PRELID2: variants seen among roughly 807,000 people sequenced by gnomAD.
PRELID2 encodes the protein PRELI domain containing 2.
PRELID2 carries 25 observed loss-of-function variants against 28.4 expected under a neutral mutation model. The ratio of observed to expected loss-of-function variants is 0.88; its 90% CI spans 0.64 to 1.23. The LOEUF (loss-of-function observed/expected upper bound fraction) is 1.23, where lower values mean the gene tolerates loss of function less well. Among genes scored for constraint, PRELID2 ranks in the 50% most tolerant of loss-of-function variants. PRELID2 has a pLI of 0.00. For missense variants in PRELID2, 201 were observed against 214.4 expected (o/e 0.94, Z 0.39); for synonymous variants, 76 against 71.6 (o/e 1.06, Z -0.31).
Position 145,504,492 on chromosome 5 carries a change from A to T in PRELID2, n.71-31177T>A, listed in dbSNP as rs17103333. Among the ~76,000 whole-genome samples the T allele has an allele frequency of 6.8e-3, 1,029 of 152,282 alleles. 27 individuals carry two copies. The highest frequency in any genetic ancestry group is 0.05 in the Admixed American group (767 of 15,294). On this transcript the variant is annotated intron_variant and non_coding_transcript_variant, in intron 1 of 2. Coordinates refer to the PRELID2 transcript ENST00000510259. ...AAACATTTTATCTTTCATGTTCCAG[A>T]TCATGTTGTTTTCCTTGAAATTTCT...
intron 1 of PRELID2, among the ~76,000 whole-genome samples, chr5:145,825,844 G>A (rs1755157850): frequency 6.6e-6 from 1 of 152,186 alleles, no homozygotes; most frequent in African/African-American, 2.4e-5. Context: ...ATTGAACTGA[G>A]GCTCCCCCTA....
intron 1 of PRELID2, among the ~76,000 whole-genome samples, chr5:145,674,182 T>C (rs912378268): frequency 2.6e-5 from 4 of 152,186 alleles, no homozygotes; most frequent in Non-Finnish European, 5.9e-5. Context: ...TTATTATACT[T>C]TAAGTTCTAG....
In PRELID2 at chr5:145,641,188, A is replaced by G. The variant is rs192561715; in HGVS notation, n.70+123743T>C. On this transcript the variant is annotated intron_variant and non_coding_transcript_variant, in intron 1 of 2. Coordinates refer to the PRELID2 transcript ENST00000510259. ...AAAACCTAACAGTTCCTCTCAACAA[A>G]AAGACACCATCAATAAGTTAAAACA... Among the ~76,000 whole-genome samples, 60 of 152,312 alleles carry G rather than the reference A, an allele frequency of 3.9e-4. 1 individual carries two copies. Among genetic ancestry groups the G allele is most frequent in the Admixed American group, 3.9e-3 (60 of 15,300 alleles).
intron 1 of PRELID2, among the ~76,000 whole-genome samples, chr5:145,695,012 C>T (rs1464324779): frequency 1.3e-5 from 2 of 152,180 alleles, no homozygotes; most frequent in African/African-American, 4.8e-5. Flanking sequence ...GTCAGGTCCT[C>T]GGCTGGTTAC....
At chr5:145,249,928 TC>T in the PRELID2 span, among the ~76,000 whole-genome samples, 1 of 150,242 alleles carries the variant, frequency 6.7e-6, no homozygotes. Context: ...CCTCTCTCTC[TC>T]TCTCTCTGTC....
chr5:145,358,335 G>A, the PRELID2 span, among the ~76,000 whole-genome samples: 1 of 151,926 alleles, frequency 6.6e-6, no homozygotes, highest in Non-Finnish European at 1.5e-5. Flanking sequence ...GTGCCCCTCA[G>A]CATATTCAAG....
the PRELID2 span, among the ~76,000 whole-genome samples, chr5:145,303,422 C>G: frequency 6.6e-6 from 1 of 152,140 alleles, no homozygotes; most frequent in Non-Finnish European, 1.5e-5. Context: ...GCTTATATTG[C>G]TTTTATATTA....
At chr5:145,339,130 C>T in the PRELID2 span, among the ~76,000 whole-genome samples, 9 of 152,286 alleles carry the variant, frequency 5.9e-5, no homozygotes, top group African/African-American at 1.4e-4. Flanking sequence ...GACTAGCAGA[C>T]TGGAGGCAAG....
In PRELID2 at chr5:145,511,844, AAAGT is replaced by A. The variant is rs374931733; in HGVS notation, n.71-38533_71-38530del. ...CTATCTGCAAGAGAAACTGGAAAAT[AAAGT>A]ATTTTGCCTCTCTAGCCTCCATAGT... On this transcript the variant is annotated intron_variant and non_coding_transcript_variant, in intron 1 of 2. Coordinates refer to the PRELID2 transcript ENST00000510259. Among the ~76,000 whole-genome samples, 372 of 152,326 alleles carry A rather than the reference AAAGT, an allele frequency of 2.4e-3. 2 individuals are homozygous for A. The highest frequency in any genetic ancestry group is 8.7e-3 in the African/African-American group (360 of 41,568).
chr5:145,285,398 C>T, the PRELID2 span, among the ~76,000 whole-genome samples: 14 of 152,226 alleles, frequency 9.2e-5, no homozygotes, highest in South Asian at 1.7e-3. Context: ...AGCTCCCCCG[C>T]TCCGCCCAGT....
At chr5:145,600,297 C>T (rs1753370777) in intron 1 of PRELID2, among the ~76,000 whole-genome samples, 1 of 151,396 alleles carries the variant, frequency 6.6e-6, no homozygotes, top group South Asian at 2.1e-4. Flanking sequence ...CAGCTAGATC[C>T]CGAGTAAAAT....
At chr5:145,332,514 G>C in the PRELID2 span, among the ~76,000 whole-genome samples, 1 of 151,468 alleles carries the variant, frequency 6.6e-6, no homozygotes, top group South Asian at 2.1e-4. Flanking sequence ...ATTTCATTAA[G>C]TTGATCTTCA....
At chr5:145,603,151 A>G (rs534268184) in intron 1 of PRELID2, among the ~76,000 whole-genome samples, 1 of 142,978 alleles carries the variant, frequency 7.0e-6, no homozygotes, top group African/African-American at 3.1e-5. Flanking sequence ...TCCTGAAAGA[A>G]AAGAACAGAT....
At chr5:145,554,450 G>T (rs1752863515) in intron 1 of PRELID2, among the ~76,000 whole-genome samples, 1 of 152,182 alleles carries the variant, frequency 6.6e-6, no homozygotes. Flanking sequence ...AACCCAGAGA[G>T]AAGTTTCAGA....
intron 1 of PRELID2, among the ~76,000 whole-genome samples, chr5:145,670,405 C>T (rs1293155130): frequency 1.3e-5 from 2 of 152,088 alleles, no homozygotes; most frequent in Non-Finnish European, 2.9e-5. Context: ...CCCCACTTGG[C>T]CCCACCTTTA....
At chr5:145,638,108 G>A (rs960743907) in intron 1 of PRELID2, among the ~76,000 whole-genome samples, 26 of 152,146 alleles carry the variant, frequency 1.7e-4, no homozygotes, top group Admixed American at 5.2e-4. Flanking sequence ...ACCGCTCCCA[G>A]CCAACCATTC....
chr5:145,483,013 G>A lies in PRELID2; in HGVS notation n.71-9698C>T, dbSNP rs191332606. Among the ~76,000 whole-genome samples the A allele has an allele frequency of 2.4e-4, 37 of 152,204 alleles. No individual in the cohort carries two copies. The Middle Eastern group carries it at 0.014, about 56-fold the overall frequency. On this transcript the variant is annotated intron_variant and non_coding_transcript_variant, in intron 1 of 2. Coordinates refer to the PRELID2 transcript ENST00000510259. ...CCTGCCACTCACCTCCTGCTGTGTG[G>A]CCTGCGGGTTGAGGACACCTGTCGA...
rs146530230 is a variant in PRELID2, at chr5:145,727,422, C to G, written n.70+37509G>C. On this transcript the variant is annotated intron_variant and non_coding_transcript_variant, in intron 1 of 2. Transcript: ENST00000510259. ...TAGACCCTGGACCCTGGACATGTTTCAAGACTCTTTTACATTATGTCAGAC... is the reference window on the plus strand; with the variant it reads ...TAGACCCTGGACCCTGGACATGTTTGAAGACTCTTTTACATTATGTCAGAC... Among the ~76,000 whole-genome samples, 582 of 152,282 alleles carry G rather than the reference C, an allele frequency of 3.8e-3. 4 individuals are homozygous for G. The highest frequency in any genetic ancestry group is 0.013 in the African/African-American group (558 of 41,580).
chr5:145,543,416 A>G (rs1752761073), intron 1 of PRELID2, among the ~76,000 whole-genome samples: 1 of 152,174 alleles, frequency 6.6e-6, no homozygotes, highest in Non-Finnish European at 1.5e-5. Context: ...AATATATTAT[A>G]CATGGATTTT....
Sources: gnomAD v4.1 joint callset for allele counts (sites outside exome capture counted in the v4.1 genomes callset) on GRCh38, gnomAD v4.1.1 for gene constraint, MANE v1.5 for transcripts, NCBI Gene and HGNC (gene_info 2026-07-23, HGNC 2026-07-21) for gene names.